Variants in ZCWPW2 observed in about 807,000 individuals in gnomAD.
The protein encoded by ZCWPW2 is zinc finger CW-type PWWP domain protein 2.
A neutral mutation model predicts 46.6 loss-of-function variants in ZCWPW2; 45 were observed. The observed-to-expected ratio is 0.96, with a 90% CI of 0.76 to 1.24. The LOEUF is 1.24. Among genes scored for constraint, ZCWPW2 ranks in the 50% most tolerant of loss-of-function variants. The pLI is 0.00. For missense variants in ZCWPW2, 429 were observed against 403.9 expected, an observed-to-expected ratio of 1.06 and a Z score of -0.53; for synonymous variants, 152 against 137.1, an observed-to-expected ratio of 1.11 and a Z score of -0.76.
intron 6 of ZCWPW2, among the ~76,000 whole-genome samples, chr3:28,496,255 A>G (rs1003076360): frequency 6.6e-6 from 1 of 152,056 alleles, no homozygotes; most frequent in Admixed American, 6.6e-5. Flanking sequence ...TTGTCTTAAA[A>G]CTAAATATTA....
intron 6 of ZCWPW2, among the ~76,000 whole-genome samples, chr3:28,507,984 G>C (rs1700323615): frequency 6.6e-6 from 1 of 152,058 alleles, no homozygotes; most frequent in Non-Finnish European, 1.5e-5. Context: ...AAGGAATACT[G>C]GGTAATTAAT....
intron 3 of ZCWPW2, among the ~76,000 whole-genome samples, chr3:28,426,504 TAAC>T (rs1360212964): frequency 2.0e-5 from 3 of 152,178 alleles, no homozygotes; most frequent in African/African-American, 4.8e-5. Flanking sequence ...GGCTTTAAGT[TAAC>T]AAAGCAATCA....
At chr3:28,366,779 T>G (rs1415666945) in intron 1 of ZCWPW2, among the ~76,000 whole-genome samples, 1 of 152,146 alleles carries the variant, frequency 6.6e-6, no homozygotes, top group Admixed American at 6.5e-5. Context: ...GTCCTGGACT[T>G]TTTTTGGTTG....
intron 4 of ZCWPW2, among the ~76,000 whole-genome samples, chr3:28,470,562 A>C (rs1178586952): frequency 6.6e-6 from 1 of 152,062 alleles, no homozygotes; most frequent in Non-Finnish European, 1.5e-5. Flanking sequence ...GAAACATGAC[A>C]TACCAAAACC....
At chr3:28,500,974 A>AAAG (rs780977891) in intron 6 of ZCWPW2, among the ~76,000 whole-genome samples, 321 of 152,252 alleles carry the variant, frequency 2.1e-3, no homozygotes, top group Non-Finnish European at 3.6e-3. Context: ...TCACCTTTCC[A>AAAG]TAGGCCAGTG....
At chr3:28,377,010 G>A (rs1015159741) in intron 1 of ZCWPW2, among the ~76,000 whole-genome samples, 1 of 151,714 alleles carries the variant, frequency 6.6e-6, no homozygotes, top group Admixed American at 6.6e-5. Context: ...TATTTAGACA[G>A]TTCTAATGAA....
intron 4 of ZCWPW2, among the ~76,000 whole-genome samples, chr3:28,453,713 A>C (rs1029065338): frequency 6.6e-6 from 1 of 151,996 alleles, no homozygotes; most frequent in Non-Finnish European, 1.5e-5. Context: ...ATAGCTGGAG[A>C]GTAACTTCTT....
intron 1 of ZCWPW2, among the ~76,000 whole-genome samples, chr3:28,365,219 G>C (rs980915639): frequency 6.8e-6 from 1 of 146,798 alleles, no homozygotes; most frequent in African/African-American, 2.5e-5. Flanking sequence ...TGAAGTCCTT[G>C]CCCATGCTTA....
intron 4 of ZCWPW2, among the ~76,000 whole-genome samples, chr3:28,458,845 C>T (rs762170898): frequency 4.6e-5 from 7 of 152,112 alleles, no homozygotes; most frequent in Non-Finnish European, 7.4e-5. Flanking sequence ...TCATGCTTAG[C>T]GCATTGATTT....
In ZCWPW2 at chr3:28,492,172, G is replaced by T. The variant is rs780409174; in HGVS notation, c.656G>T (p.Arg219Met). The change falls in exon 6 of 10, where the codon AGG (arginine) becomes ATG (methionine). Residue 219 changes from arginine to methionine, a missense_variant and splice_region_variant. By Grantham distance (91) the Arg-to-Met change is moderately conservative. Coordinates refer to ENST00000383768, the MANE Select transcript of ZCWPW2 (RefSeq NM_001040432.4). ...HDKVAALVKK[R>M]KQTSKNNIEK... The stretch of plus-strand genomic sequence containing the variant: ...AAAGTTGCTGCACTGGTCAAGAAAA[G>T]GGTAAGATTGTGTTTTATTATATAA... 6.2e-7 allele frequency: 1 copy of T among 1,602,400 alleles called. No homozygotes were observed. The highest frequency in any genetic ancestry group is 8.5e-7 in the Non-Finnish European group (1 of 1,174,890).
At chr3:28,401,295 G>A (rs1036045060) in intron 2 of ZCWPW2, among the ~76,000 whole-genome samples, 1 of 152,142 alleles carries the variant, frequency 6.6e-6, no homozygotes, top group Admixed American at 6.5e-5. Context: ...GAATGTAAAT[G>A]GCCTAAATGC....
At position 28,521,099 on chromosome 3, in the gene ZCWPW2, A is replaced by G; in HGVS notation, c.892A>G (p.Ile298Val). ...ATCAGAAGAAGGACATGGAGAGGAA[A>G]TAAATATGGGAGAAAAGGTAATATT... ...DESEEGHGEE[I>V]NMGEKLSKCS... The change falls in exon 9 of 10, where the codon ATA becomes GTA. Residue 298 changes from isoleucine to valine, a missense_variant. Ile to Val is a conservative substitution (Grantham distance 29). Transcript: ENST00000383768. The G allele has an allele frequency of 6.2e-7, 1 of 1,604,068 alleles. No homozygotes were observed. Among genetic ancestry groups the G allele is most frequent in the Non-Finnish European group, 8.5e-7 (1 of 1,177,486 alleles).
chr3:28,357,218 T>A (rs913047795), intron 1 of ZCWPW2, among the ~76,000 whole-genome samples: 1 of 152,070 alleles, frequency 6.6e-6, no homozygotes, highest in Admixed American at 6.5e-5. Context: ...TAAATAATAA[T>A]GAAAGGATGA....
In ZCWPW2 at chr3:28,453,224, ATCTC is replaced by A. The variant is rs1322153305; in HGVS notation, c.492+17957_492+17960del. Among the ~76,000 whole-genome samples, 5 of 152,176 alleles carry A rather than the reference ATCTC, an allele frequency of 3.3e-5. No homozygotes were observed. In the East Asian group the frequency reaches 9.6e-4, roughly 29 times the overall value. On this transcript the variant is annotated intron_variant, in intron 4 of 9. Transcript: ENST00000383768. ...CTGAATGAAACCAGTTTCTTTCCCT[ATCTC>A]TATTCTGCTTTTTGGATTCACTCAC...
chr3:28,500,454 T>C (rs1411975434), intron 6 of ZCWPW2, among the ~76,000 whole-genome samples: 1 of 152,112 alleles, frequency 6.6e-6, no homozygotes, highest in African/African-American at 2.4e-5. Context: ...TAATTTTTTG[T>C]TTACCTACAG....
chr3:28,516,136 A>C (rs1700561434), intron 8 of ZCWPW2, among the ~76,000 whole-genome samples: 1 of 151,910 alleles, frequency 6.6e-6, no homozygotes, highest in South Asian at 2.1e-4. Context: ...GCTACTCTGG[A>C]GGCTGAGGCA....
intron 1 of ZCWPW2, among the ~76,000 whole-genome samples, chr3:28,368,766 T>G (rs1705212159): frequency 6.6e-6 from 1 of 152,238 alleles, no homozygotes; most frequent in Non-Finnish European, 1.5e-5. Flanking sequence ...TCCAACTTGG[T>G]TCCATTCTCC....
At chr3:28,375,579 A>G (rs188334505) in intron 1 of ZCWPW2, among the ~76,000 whole-genome samples, 6 of 152,222 alleles carry the variant, frequency 3.9e-5, no homozygotes, top group African/African-American at 1.4e-4. Flanking sequence ...GTAATCTGAA[A>G]TAAGCATACC....
At chr3:28,519,058 T>A (rs1371262186) in intron 8 of ZCWPW2, among the ~76,000 whole-genome samples, 1 of 152,246 alleles carries the variant, frequency 6.6e-6, no homozygotes, top group African/African-American at 2.4e-5. Context: ...TGAATGCCAC[T>A]GTTTTAGAAT....
Sources: gnomAD v4.1 joint callset for allele counts (sites outside exome capture counted in the v4.1 genomes callset) on GRCh38, gnomAD v4.1.1 for gene constraint, MANE v1.5 for transcripts, NCBI Gene and HGNC (gene_info 2026-07-23, HGNC 2026-07-21) for gene names.